Variants in SNTB1 observed in about 807,000 individuals in gnomAD.
SNTB1 encodes beta-1-syntrophin.
Under a neutral mutation model 48.9 loss-of-function variants are expected in SNTB1, and 36 were observed. The ratio of observed to expected loss-of-function variants is 0.74; its 90% CI spans 0.56 to 0.97. SNTB1 has a LOEUF of 0.97. Among genes scored for constraint, SNTB1 ranks in the 50% least tolerant of loss-of-function variants. The probability of loss-of-function intolerance (pLI) is 0.00; values close to 1 mark genes in which losing one functional copy is unlikely to be tolerated. For synonymous variants in SNTB1, 299 were observed against 294.6 expected (o/e 1.01, Z -0.15); for missense variants, 786 against 703.4 (o/e 1.12, Z -1.33).
intron 2 of SNTB1, among the ~76,000 whole-genome samples, chr8:120,654,671 G>A (rs961958344): frequency 4.7e-4 from 72 of 152,264 alleles, no homozygotes; most frequent in African/African-American, 1.7e-3. Context: ...GCTTCTCAGA[G>A]ATCATTTGGC....
intron 1 of SNTB1, among the ~76,000 whole-genome samples, chr8:120,793,379 T>C (rs1226951419): frequency 6.6e-6 from 1 of 152,118 alleles, no homozygotes. Flanking sequence ...AAGCAAGTTT[T>C]CTGAAACATT....
intron 1 of SNTB1, among the ~76,000 whole-genome samples, chr8:120,704,715 C>T (rs1818354294): frequency 6.6e-6 from 1 of 152,070 alleles, no homozygotes. Context: ...GGTTTTATTA[C>T]TTCAACTTAC....
chr8:120,710,610 C>T (rs944527021), intron 1 of SNTB1, among the ~76,000 whole-genome samples: 2 of 152,132 alleles, frequency 1.3e-5, no homozygotes, highest in African/African-American at 4.8e-5. Flanking sequence ...TGGATTAGTG[C>T]CTTACCAAAG....
At chr8:120,547,700 G>C (rs951510241) in intron 5 of SNTB1, among the ~76,000 whole-genome samples, 4 of 151,776 alleles carry the variant, frequency 2.6e-5, no homozygotes, top group African/African-American at 7.3e-5. Context: ...ACTATAGAAG[G>C]GTTCTTCCTT....
At chr8:120,630,488 A>G (rs965073393) in intron 3 of SNTB1, among the ~76,000 whole-genome samples, 5 of 152,132 alleles carry the variant, frequency 3.3e-5, no homozygotes, top group Admixed American at 2.0e-4. Context: ...TACCTTATAA[A>G]TTATTCCTGC....
Position 120,633,435 on chromosome 8 carries a change from G to A in SNTB1, c.789-784C>T, listed in dbSNP as rs370816073. 2.9e-4 allele frequency among the ~76,000 whole-genome samples: 44 copies of A among 152,054 alleles called. No homozygotes were observed. In the East Asian group the frequency reaches 4.7e-3, roughly 16 times the overall value. ...AGCCTAGCCAACATGGTGAAACCCC[G>A]TCTCTACAAAAATACAAAAATTAGC... is the stretch of plus-strand genomic sequence containing the variant. On this transcript the variant is annotated intron_variant, in intron 2 of 6. Transcript: ENST00000517992.
intron 4 of SNTB1, among the ~76,000 whole-genome samples, chr8:120,552,790 CTAT>C (rs1012362977): frequency 3.9e-5 from 6 of 152,176 alleles, no homozygotes; most frequent in Admixed American, 6.5e-5. Context: ...CACTTTATTG[CTAT>C]TATTATTACA....
At chr8:120,672,553 T>C (rs4392948) in intron 2 of SNTB1, among the ~76,000 whole-genome samples, 84,244 of 152,042 alleles carry the variant, frequency 0.55, 26,228 homozygotes, top group African/African-American at 0.86. Context: ...ACAGAGCTCC[T>C]GAAAGACACC....
At chr8:120,734,964 T>C (rs1818918589) in intron 1 of SNTB1, among the ~76,000 whole-genome samples, 1 of 152,126 alleles carries the variant, frequency 6.6e-6, no homozygotes, top group African/African-American at 2.4e-5. Context: ...TAAAAGAACT[T>C]GTGAAGTTCT....
intron 2 of SNTB1, among the ~76,000 whole-genome samples, chr8:120,670,781 T>TCTC: frequency 1.3e-5 from 2 of 152,198 alleles, no homozygotes; most frequent in Middle Eastern, 6.8e-3. Flanking sequence ...TGGGTTTGAG[T>TCTC]CTCAGGTCTG....
intron 3 of SNTB1, among the ~76,000 whole-genome samples, chr8:120,578,349 GC>G (rs1343377074): frequency 6.6e-6 from 1 of 152,102 alleles, no homozygotes; most frequent in Non-Finnish European, 1.5e-5. Flanking sequence ...ATTATTTCAA[GC>G]CTTTGAAGAC....
At chr8:120,559,127 C>T (rs1021522992) in intron 4 of SNTB1, among the ~76,000 whole-genome samples, 1 of 152,154 alleles carries the variant, frequency 6.6e-6, no homozygotes, top group African/African-American at 2.4e-5. Context: ...CCACTACATG[C>T]TAATTTCCAG....
intron 1 of SNTB1, among the ~76,000 whole-genome samples, chr8:120,694,918 T>A (rs1230489335): frequency 1.3e-5 from 2 of 152,148 alleles, no homozygotes; most frequent in African/African-American, 2.4e-5. Flanking sequence ...CAAAAATAAC[T>A]TAAGAAAACA....
At chr8:120,605,810 C>A in intron 3 of SNTB1, among the ~76,000 whole-genome samples, 1 of 152,248 alleles carries the variant, frequency 6.6e-6, no homozygotes, top group South Asian at 2.1e-4. Context: ...CAATCCATGG[C>A]CTGTGGTGTC....
chr8:120,665,006 G>C (rs1817650903), intron 2 of SNTB1, among the ~76,000 whole-genome samples: 1 of 152,102 alleles, frequency 6.6e-6, no homozygotes. Flanking sequence ...GTTTTAATTT[G>C]CATGTGTGCA....
At chr8:120,588,015 AG>A (rs1174810906) in intron 3 of SNTB1, among the ~76,000 whole-genome samples, 5 of 152,214 alleles carry the variant, frequency 3.3e-5, no homozygotes, top group Non-Finnish European at 5.9e-5. Context: ...TTTTTAAAAA[AG>A]CTATCTTTTG....
chr8:120,693,998 G>T, intron 1 of SNTB1, 90 bp from the exon 2 acceptor site: 2 of 1,019,954 alleles, frequency 2.0e-6, no homozygotes, highest in Non-Finnish European at 3.1e-6. Flanking sequence ...ACTTGCTTTG[G>T]ATAAGCTCTT....
At position 120,637,247 on chromosome 8, in the gene SNTB1, G is replaced by C. The variant is rs1817097219; in HGVS notation, c.789-4596C>G. 8 of 344,290 alleles carry C rather than the reference G, an allele frequency of 2.3e-5. No individual in the cohort carries two copies. The South Asian group carries it at 2.5e-4, about 11-fold the overall frequency. 21.3% of individuals were successfully genotyped at this position (344,290 alleles called of 1,614,324 possible). A position where few individuals can be genotyped will look rare whatever the true frequency, so the allele number is the denominator to read the frequency against. ...GATTCTACCATAACAAAATAAGATG[G>C]GAAAAAGTCTGCTGCTGACCAAAAG... On this transcript the variant is annotated intron_variant, in intron 2 of 6. Transcript: ENST00000517992.
At chr8:120,781,446 T>A (rs769509953) in intron 1 of SNTB1, among the ~76,000 whole-genome samples, 4 of 152,220 alleles carry the variant, frequency 2.6e-5, no homozygotes, top group Non-Finnish European at 4.4e-5. Flanking sequence ...TGAAAACTAT[T>A]AAGTGTTATT....
Sources: allele counts gnomAD v4.1 joint callset (sites outside exome capture counted in the v4.1 genomes callset), GRCh38; gene constraint gnomAD v4.1.1; transcripts MANE v1.5; gene names NCBI Gene and HGNC (gene_info 2026-07-23, HGNC 2026-07-21).